Variants in GABRB2 observed in about 807,000 individuals in gnomAD.
GABRB2 encodes the protein gamma-aminobutyric acid type A receptor subunit beta2, also known as gamma-aminobutyric acid receptor subunit beta-2.
Under a neutral mutation model 54.7 loss-of-function variants are expected in GABRB2, and 16 were observed. That is an observed-to-expected ratio of 0.29 (90% CI 0.20 to 0.44). The LOEUF (loss-of-function observed/expected upper bound fraction) is 0.44. Ranked by LOEUF, GABRB2 falls within the 20% of genes least tolerant of loss-of-function variation. GABRB2 has a pLI of 1.00. For missense variants in GABRB2, 355 were observed against 644.0 expected (o/e 0.55, Z 4.86); for synonymous variants, 244 against 233.8 (o/e 1.04, Z -0.40).
chr5:161,523,643 T>TA (rs1760185333), intron 3 of GABRB2, among the ~76,000 whole-genome samples: 1 of 151,658 alleles, frequency 6.6e-6, no homozygotes, highest in Non-Finnish European at 1.5e-5. Context: ...TTTTTAACCC[T>TA]AGCCATAATT....
chr5:161,453,556 G>T (rs1198465758), intron 4 of GABRB2, among the ~76,000 whole-genome samples: 1 of 152,096 alleles, frequency 6.6e-6, no homozygotes, highest in African/African-American at 2.4e-5. Flanking sequence ...CATATCTGCT[G>T]GTGACTTCAT....
rs1753817310 is a variant in GABRB2 at position 161,330,868 on chromosome 5, G to A, written c.1077+15C>T. On this transcript the variant is annotated intron_variant, in intron 8 of 9. Coordinates refer to ENST00000393959, the MANE Select transcript of GABRB2 (RefSeq NM_001371727.1). Reference sequence around the variant, plus strand: ...TGAGTTTAAGAAGCAAGGAGGGCTTGCCCTCTGAATTTACCTTGTTGACAT... The same window carrying A: ...TGAGTTTAAGAAGCAAGGAGGGCTTACCCTCTGAATTTACCTTGTTGACAT... The A allele has an allele frequency of 6.2e-7, 1 of 1,614,044 alleles. No individual in the cohort carries two copies. The highest frequency in any genetic ancestry group is 8.5e-7 in the Non-Finnish European group (1 of 1,180,022).
chr5:161,391,771 C>T (rs1755830302), intron 5 of GABRB2, among the ~76,000 whole-genome samples: 1 of 152,056 alleles, frequency 6.6e-6, no homozygotes, highest in African/African-American at 2.4e-5. Context: ...CAGATACCAA[C>T]AAGATGTAAT....
intron 9 of GABRB2, among the ~76,000 whole-genome samples, chr5:161,323,831 T>A (rs898973253): frequency 1.3e-5 from 2 of 152,176 alleles, no homozygotes; most frequent in African/African-American, 2.4e-5. Context: ...ACTACCACAC[T>A]CTCAGATGGC....
intron 3 of GABRB2, among the ~76,000 whole-genome samples, chr5:161,532,849 A>G (rs1464104574): frequency 6.6e-6 from 1 of 152,096 alleles, no homozygotes; most frequent in Admixed American, 6.6e-5. Context: ...AATTCATTCC[A>G]TATTTCTTGA....
At chr5:161,543,536 G>C (rs1199715626) in intron 3 of GABRB2, among the ~76,000 whole-genome samples, 1 of 152,102 alleles carries the variant, frequency 6.6e-6, no homozygotes, top group Non-Finnish European at 1.5e-5. Context: ...TTGGGACTGA[G>C]AGAAGAGCAT....
At chr5:161,467,135 C>G (rs1361075426) in intron 3 of GABRB2, among the ~76,000 whole-genome samples, 1 of 152,012 alleles carries the variant, frequency 6.6e-6, no homozygotes, top group Non-Finnish European at 1.5e-5. Flanking sequence ...TTGAAAATTA[C>G]CATTACTGAA....
intron 3 of GABRB2, among the ~76,000 whole-genome samples, chr5:161,465,163 A>C (rs1173195881): frequency 6.6e-6 from 1 of 152,114 alleles, no homozygotes; most frequent in Non-Finnish European, 1.5e-5. Flanking sequence ...GAATCCTTTC[A>C]AATCTCTGAG....
chr5:161,351,964 C>T (rs1243494837), intron 5 of GABRB2, among the ~76,000 whole-genome samples: 1 of 152,038 alleles, frequency 6.6e-6, no homozygotes, highest in Non-Finnish European at 1.5e-5. Context: ...CTCAATCTCA[C>T]TAATCATCAG....
At chr5:161,455,029 A>AT (rs11387572) in intron 4 of GABRB2, among the ~76,000 whole-genome samples, 2,288 of 152,274 alleles carry the variant, frequency 0.015, 51 homozygotes, top group African/African-American at 0.051. Context: ...AACTTAGTCT[A>AT]TAAAAAAAGG....
chr5:161,317,874 A>G lies in GABRB2; in HGVS notation c.1191+8494T>C, dbSNP rs528696315. On this transcript the variant is annotated intron_variant, in intron 9 of 9. Coordinates refer to ENST00000393959, the MANE Select transcript of GABRB2 (RefSeq NM_001371727.1). ...GTATGAATGTATGAAAAAATGCTTA[A>G]TATTTTAAGAAATATGATAAATACA... Among the ~76,000 whole-genome samples the G allele has an allele frequency of 1.7e-4, 26 of 152,224 alleles. No individual in the cohort carries two copies. The South Asian group carries it at 5.2e-3, about 30-fold the overall frequency.
chr5:161,366,313 A>G (rs1442595912), intron 5 of GABRB2, among the ~76,000 whole-genome samples: 1 of 152,076 alleles, frequency 6.6e-6, no homozygotes, highest in Non-Finnish European at 1.5e-5. Flanking sequence ...AATACCTATT[A>G]TCTCTCCATC....
At position 161,546,605 on chromosome 5, in the gene GABRB2, C is replaced by A. The variant is rs767178101; in HGVS notation, c.39G>T (p.Trp13Cys). The A allele has an allele frequency of 6.2e-7, 1 of 1,600,862 alleles. No homozygotes were observed. The highest frequency in any genetic ancestry group is 2.2e-5 in the East Asian group (1 of 44,640). ...CAGCGGCGATTATTAAGGGGAAGGA[C>A]CAAATCCCAAAGTAGCCCCTTTTCC... ...RVRKRGYFGI[W>C]SFPLIIAAVC... is the part of the protein sequence containing the mutation. The change falls in exon 1 of 10, where the codon TGG (tryptophan) becomes TGT (cysteine). Residue 13 changes from tryptophan (W) to cysteine (C), a missense_variant. Physicochemically the swap from Trp to Cys is radical, Grantham distance 215. Transcript: ENST00000393959.
At chr5:161,542,144 A>C (rs1023018494) in intron 3 of GABRB2, among the ~76,000 whole-genome samples, 5 of 152,230 alleles carry the variant, frequency 3.3e-5, no homozygotes, top group African/African-American at 1.2e-4. Context: ...GTCTTACCTC[A>C]GTGCAGTTCA....
intron 2 of GABRB2, among the ~76,000 whole-genome samples, 192 bp downstream of exon 2, chr5:161,546,130 A>T (rs1057042936): frequency 2.0e-5 from 3 of 152,256 alleles, no homozygotes; most frequent in African/African-American, 7.2e-5. Flanking sequence ...AGAGGGTCTC[A>T]TTGAAAGACC....
intron 4 of GABRB2, among the ~76,000 whole-genome samples, chr5:161,456,371 A>G (rs1757956020): frequency 6.6e-6 from 1 of 152,246 alleles, no homozygotes; most frequent in South Asian, 2.1e-4. Flanking sequence ...AGACTCAGGC[A>G]GGTTGTTCAT....
At chr5:161,425,939 T>A (rs1027602174) in intron 4 of GABRB2, among the ~76,000 whole-genome samples, 1 of 152,132 alleles carries the variant, frequency 6.6e-6, no homozygotes, top group Non-Finnish European at 1.5e-5. Context: ...TCATAAAGGG[T>A]AACTTGGATA....
chr5:161,462,979 A>C (rs1758156941), intron 3 of GABRB2, among the ~76,000 whole-genome samples: 1 of 152,118 alleles, frequency 6.6e-6, no homozygotes, highest in Admixed American at 6.6e-5. Flanking sequence ...CTTGTCTCAG[A>C]GTTGGTTTAT....
intron 9 of GABRB2, among the ~76,000 whole-genome samples, chr5:161,303,364 C>T (rs1009052915): frequency 4.6e-5 from 7 of 152,210 alleles, no homozygotes; most frequent in African/African-American, 1.4e-4. Flanking sequence ...AATGAGTAAG[C>T]CACCTGAATG....
Sources: allele counts gnomAD v4.1 joint callset (sites outside exome capture counted in the v4.1 genomes callset), GRCh38; gene constraint gnomAD v4.1.1; transcripts MANE v1.5; gene names NCBI Gene and HGNC (gene_info 2026-07-23, HGNC 2026-07-21).